The following UTRN variants were observed in gnomAD, a reference collection of about 807,000 sequenced individuals.
UTRN encodes dystrophin-related protein 1.
A neutral mutation model predicts 463.9 loss-of-function variants in UTRN; 283 were observed. The observed-to-expected ratio is 0.61, with a 90% CI of 0.55 to 0.67. UTRN has a LOEUF of 0.67. UTRN is among the 30% of genes least tolerant of loss of function. The pLI is 0.00. For missense variants in UTRN, 3,922 were observed against 4,084.3 expected (o/e 0.96, Z 1.08); for synonymous variants, 1,442 against 1,431.5 (o/e 1.01, Z -0.17).
At chr6:144,659,030 C>T (rs1779598176) in intron 51 of UTRN, among the ~76,000 whole-genome samples, 1 of 152,166 alleles carries the variant, frequency 6.6e-6, no homozygotes, top group Non-Finnish European at 1.5e-5. Flanking sequence ...TCAAAGAGAT[C>T]GAAACACTTT....
intron 2 of UTRN, chr6:144,344,090 C>CAAAAAAAA: frequency 1.2e-6 from 1 of 848,828 alleles, no homozygotes; most frequent in South Asian, 2.3e-5. Context: ...TAAAAGCCAC[C>CAAAAAAAA]AAAAAAAAAA....
chr6:144,423,460 C>T, intron 4 of UTRN, 89 bp from the exon 5 acceptor site: 1 of 1,343,964 alleles, frequency 7.4e-7, no homozygotes, highest in East Asian at 2.3e-5. Context: ...GTACGCTGAG[C>T]TTCACTTCTG....
intron 54 of UTRN, among the ~76,000 whole-genome samples, chr6:144,731,333 T>A (rs1327172140): frequency 6.6e-6 from 1 of 152,198 alleles, no homozygotes; most frequent in South Asian, 2.1e-4. Flanking sequence ...AATATATATC[T>A]GTATTGTGAT....
At chr6:144,570,157 G>A (rs1206437882) in intron 50 of UTRN, among the ~76,000 whole-genome samples, 1 of 152,108 alleles carries the variant, frequency 6.6e-6, no homozygotes, top group Non-Finnish European at 1.5e-5. Flanking sequence ...AGGTACCATG[G>A]TTTTGGAAAG....
intron 58 of UTRN, among the ~76,000 whole-genome samples, chr6:144,770,996 A>G (rs1793942578): frequency 6.6e-6 from 1 of 152,198 alleles, no homozygotes; most frequent in Non-Finnish European, 1.5e-5. Flanking sequence ...TGTTTCTGCA[A>G]TCTTTGGAAA....
At chr6:144,620,344 A>G (rs1191792096) in intron 51 of UTRN, among the ~76,000 whole-genome samples, 2 of 152,104 alleles carry the variant, frequency 1.3e-5, no homozygotes, top group African/African-American at 4.8e-5. Flanking sequence ...CGGGGTGTGC[A>G]TGCCATTGCC....
At chr6:144,824,808 C>T (rs1780033258) in intron 66 of UTRN, among the ~76,000 whole-genome samples, 1 of 148,774 alleles carries the variant, frequency 6.7e-6, no homozygotes, top group Non-Finnish European at 1.5e-5. Context: ...AAGAATGACG[C>T]TGAATGATCT....
chr6:144,536,248 TC>T (rs1797521281), intron 43 of UTRN, among the ~76,000 whole-genome samples: 1 of 152,230 alleles, frequency 6.6e-6, no homozygotes. Context: ...ATGCTAGTTT[TC>T]TTCATAGTTC....
intron 51 of UTRN, among the ~76,000 whole-genome samples, chr6:144,585,584 T>C (rs575850879): frequency 6.6e-6 from 1 of 152,152 alleles, no homozygotes; most frequent in African/African-American, 2.4e-5. Context: ...ATTAATGTAA[T>C]GAAATGAAAA....
intron 26 of UTRN, 144 bp downstream of exon 26, chr6:144,480,126 A>G (rs1042746612): frequency 1.9e-6 from 2 of 1,059,380 alleles, no homozygotes; most frequent in East Asian, 2.9e-5. Flanking sequence ...AAAACATAAC[A>G]GGGTAGCTGC....
In UTRN at chr6:144,851,035, G is replaced by A; in HGVS notation, c.*38G>A. On this transcript the variant is annotated 3_prime_UTR_variant, in exon 75 of 75. Transcript: ENST00000367545. The stretch of plus-strand genomic sequence containing the variant: ...GCCAACCAATGTTTCCTGACGTACA[G>A]TGTTGCCCTTTTCAGCAAATGCCAA... The A allele has an allele frequency of 2.5e-6, 4 of 1,613,492 alleles. No homozygotes were observed. Among genetic ancestry groups the A allele is most frequent in the Non-Finnish European group, 3.4e-6 (4 of 1,179,502 alleles).
intron 50 of UTRN, among the ~76,000 whole-genome samples, chr6:144,559,689 G>A (rs1325613311): frequency 6.6e-6 from 1 of 151,964 alleles, no homozygotes; most frequent in Non-Finnish European, 1.5e-5. Flanking sequence ...CTTCCCTAAG[G>A]AGCCTGTGTA....
chr6:144,575,892 C>T (rs545826872), intron 50 of UTRN, among the ~76,000 whole-genome samples: 2 of 152,232 alleles, frequency 1.3e-5, no homozygotes, highest in South Asian at 2.1e-4. Flanking sequence ...AAACCCCATA[C>T]CATTAGTAGT....
chr6:144,438,049 T>C (rs542759375), intron 11 of UTRN, among the ~76,000 whole-genome samples: 1 of 152,224 alleles, frequency 6.6e-6, no homozygotes, highest in Non-Finnish European at 1.5e-5. Context: ...ATGGATCACT[T>C]GAGGCCAGGA....
At chr6:144,555,042 C>G (rs1323268982) in intron 49 of UTRN, 149 bp downstream of exon 49, 2 of 1,063,748 alleles carry the variant, frequency 1.9e-6, no homozygotes, top group Admixed American at 2.9e-5. Context: ...AGAATTTGAT[C>G]TGGAAGATTT....
At chr6:144,533,366 G>GA (rs1797234659) in intron 43 of UTRN, 106 bp downstream of exon 43, 1 of 1,478,402 alleles carries the variant, frequency 6.8e-7, no homozygotes, top group Admixed American at 2.5e-5. Flanking sequence ...ATTATAATAG[G>GA]AATTTTACTG....
At chr6:144,779,557 A>G (rs1398830126) in intron 60 of UTRN, among the ~76,000 whole-genome samples, 1 of 152,142 alleles carries the variant, frequency 6.6e-6, no homozygotes, top group Non-Finnish European at 1.5e-5. Flanking sequence ...ATCCTTGTTG[A>G]CTTCATGTTG....
At chr6:144,718,742 T>C (rs1467892978) in intron 53 of UTRN, among the ~76,000 whole-genome samples, 5 of 152,196 alleles carry the variant, frequency 3.3e-5, no homozygotes, top group Non-Finnish European at 7.3e-5. Flanking sequence ...ATACAAAAAT[T>C]TATTGGCTTT....
intron 33 of UTRN, among the ~76,000 whole-genome samples, chr6:144,494,142 G>T (rs1193612218): frequency 6.6e-6 from 1 of 152,230 alleles, no homozygotes; most frequent in Admixed American, 6.5e-5. Context: ...GAATTGGTGG[G>T]TTCTTGGTCT....
Sources: allele counts gnomAD v4.1 joint callset (sites outside exome capture counted in the v4.1 genomes callset), GRCh38; gene constraint gnomAD v4.1.1; transcripts MANE v1.5; gene names NCBI Gene and HGNC (gene_info 2026-07-23, HGNC 2026-07-21).